Variants in DPP6 observed in about 807,000 individuals in gnomAD.
DPP6 encodes dipeptidyl peptidase like 6, also known as A-type potassium channel modulatory protein DPP6.
In DPP6, 69 loss-of-function variants were observed where a neutral mutation model predicts 122.6. The observed-to-expected ratio is 0.56, with a 90% confidence interval of 0.46 to 0.69. The LOEUF (loss-of-function observed/expected upper bound fraction) is 0.69, where lower values mean the gene tolerates loss of function less well. Ranked by LOEUF, DPP6 falls within the 30% of genes least tolerant of loss-of-function variation. The probability of loss-of-function intolerance (pLI) is 0.00; values close to 1 mark genes in which losing one functional copy is unlikely to be tolerated. For synonymous variants in DPP6, 418 were observed against 433.1 expected (o/e 0.97, Z 0.43); for missense variants, 928 against 1,116.9 (o/e 0.83, Z 2.41).
At chr7:154,497,243 C>T (rs1204863048) in intron 3 of DPP6, among the ~76,000 whole-genome samples, 1 of 152,160 alleles carries the variant, frequency 6.6e-6, no homozygotes, top group Non-Finnish European at 1.5e-5. Flanking sequence ...ACTATACCTT[C>T]AACCTGGAGT....
At chr7:153,847,362 C>T in the DPP6 span, among the ~76,000 whole-genome samples, 17 of 152,216 alleles carry the variant, frequency 1.1e-4, 1 homozygote, top group Admixed American at 9.8e-4. Context: ...GTGTTTGATT[C>T]TTTGTCTGCT....
chr7:153,869,384 T>C, the DPP6 span, among the ~76,000 whole-genome samples: 1 of 152,242 alleles, frequency 6.6e-6, no homozygotes, highest in Non-Finnish European at 1.5e-5. Flanking sequence ...TCTTGTTGAA[T>C]TAATCCCCTC....
chr7:154,519,668 A>G (rs1164002459), intron 3 of DPP6, among the ~76,000 whole-genome samples: 1 of 152,224 alleles, frequency 6.6e-6, no homozygotes, highest in Non-Finnish European at 1.5e-5. Context: ...TTCTCTCTGT[A>G]TAAGACACTG....
intron 8 of DPP6, among the ~76,000 whole-genome samples, chr7:154,758,608 G>C (rs941094610): frequency 2.0e-5 from 3 of 152,154 alleles, no homozygotes; most frequent in African/African-American, 4.8e-5. Flanking sequence ...CTGACCTTAA[G>C]TGATCTGCTC....
intron 18 of DPP6, 89 bp from the exon 19 acceptor site, chr7:154,872,535 C>T: frequency 1.3e-6 from 2 of 1,514,414 alleles, no homozygotes; most frequent in Non-Finnish European, 1.8e-6. Flanking sequence ...ACCCAGAGCA[C>T]CCTCACCCCC....
the DPP6 span, among the ~76,000 whole-genome samples, chr7:153,771,542 G>A: frequency 6.6e-6 from 1 of 152,106 alleles, no homozygotes; most frequent in Non-Finnish European, 1.5e-5. Flanking sequence ...GTTTCACCAT[G>A]TTGGCCAGGC....
intron 1 of DPP6, among the ~76,000 whole-genome samples, chr7:154,287,952 C>T (rs77526845): frequency 0.077 from 11,698 of 152,232 alleles, 647 homozygotes; most frequent in Admixed American, 0.13. Context: ...CTGCAATAGT[C>T]TTTCTTCTAC....
chr7:154,530,330 T>C (rs753133232), intron 3 of DPP6, among the ~76,000 whole-genome samples: 1 of 152,028 alleles, frequency 6.6e-6, no homozygotes, highest in Non-Finnish European at 1.5e-5. Flanking sequence ...ATGAAAGACA[T>C]ACCTTGGCAA....
chr7:154,395,946 GT>G (rs34530908), intron 1 of DPP6, among the ~76,000 whole-genome samples: 79,121 of 145,334 alleles, frequency 0.54, 23,582 homozygotes, highest in South Asian at 0.67. Flanking sequence ...AATTTCTTGA[GT>G]TTTTTTTTTT....
At chr7:153,986,921 A>G (rs1796876542) in intron 1 of DPP6, among the ~76,000 whole-genome samples, 1 of 151,806 alleles carries the variant, frequency 6.6e-6, no homozygotes, top group African/African-American at 2.4e-5. Flanking sequence ...GAATCATTTA[A>G]TTTGAATGAA....
intron 7 of DPP6, among the ~76,000 whole-genome samples, chr7:154,676,919 AC>A (rs1186367278): frequency 6.6e-6 from 1 of 152,164 alleles, no homozygotes; most frequent in Non-Finnish European, 1.5e-5. Flanking sequence ...CTGTCTTGTG[AC>A]CTTGCAGTTG....
At chr7:154,562,778 G>T (rs926503854) in intron 4 of DPP6, among the ~76,000 whole-genome samples, 4 of 151,978 alleles carry the variant, frequency 2.6e-5, no homozygotes, top group Non-Finnish European at 4.4e-5. Flanking sequence ...AATGAATTTT[G>T]CATATTAGCA....
intron 1 of DPP6, among the ~76,000 whole-genome samples, chr7:154,061,355 G>C (rs369302847): frequency 0.019 from 2,509 of 132,192 alleles, 8 homozygotes; most frequent in African/African-American, 0.071. Context: ...CATTGTATGC[G>C]TCAGAGAGAG....
chr7:153,928,809 T>TA (rs1257683056), intron 1 of DPP6, among the ~76,000 whole-genome samples: 3 of 152,270 alleles, frequency 2.0e-5, no homozygotes, highest in African/African-American at 7.2e-5. Flanking sequence ...CCTAGGCCTT[T>TA]AACTTATATA....
At chr7:154,205,311 C>T (rs1799383851) in intron 1 of DPP6, among the ~76,000 whole-genome samples, 1 of 152,276 alleles carries the variant, frequency 6.6e-6, no homozygotes, top group South Asian at 2.1e-4. Flanking sequence ...CCTCACAGGA[C>T]CCCTCCTGTT....
intron 7 of DPP6, among the ~76,000 whole-genome samples, chr7:154,697,921 A>G (rs1191125221): frequency 2.6e-5 from 4 of 152,124 alleles, no homozygotes; most frequent in African/African-American, 7.2e-5. Context: ...TTATTATTTT[A>G]TCACCAATTC....
chr7:154,101,325 A>G (rs1805709070), intron 1 of DPP6, among the ~76,000 whole-genome samples: 2 of 139,778 alleles, frequency 1.4e-5, no homozygotes, highest in African/African-American at 5.0e-5. Flanking sequence ...GTATCCAGCT[A>G]GAGCCTGGAG....
At chr7:154,643,923 G>C (rs986336114) in intron 6 of DPP6, among the ~76,000 whole-genome samples, 1 of 152,130 alleles carries the variant, frequency 6.6e-6, no homozygotes, top group Admixed American at 6.5e-5. Flanking sequence ...CTCCAGGCAG[G>C]GTAAAACATG....
the DPP6 span, among the ~76,000 whole-genome samples, chr7:153,799,124 G>A: frequency 6.6e-6 from 1 of 152,206 alleles, no homozygotes; most frequent in Admixed American, 6.5e-5. Context: ...CTGCTTTAGG[G>A]CATGAAACAG....
Sources: gnomAD v4.1 joint callset for allele counts (sites outside exome capture counted in the v4.1 genomes callset) on GRCh38, gnomAD v4.1.1 for gene constraint, MANE v1.5 for transcripts, NCBI Gene and HGNC (gene_info 2026-07-23, HGNC 2026-07-21) for gene names.